IMMP2L: variants seen among roughly 807,000 people sequenced by gnomAD.
IMMP2L encodes mitochondrial inner membrane protease subunit 2.
A neutral mutation model predicts 19.3 loss-of-function variants in IMMP2L; 18 were observed. The ratio of observed to expected loss-of-function variants is 0.93; its 90% confidence interval spans 0.64 to 1.38. The LOEUF (loss-of-function observed/expected upper bound fraction) is 1.38. Ranked by LOEUF, IMMP2L falls within the 40% of genes most tolerant of loss-of-function variation. The probability of loss-of-function intolerance (pLI) is 0.00; values close to 1 mark genes in which losing one functional copy is unlikely to be tolerated. For synonymous variants in IMMP2L, 76 were observed against 73.0 expected (o/e 1.04, Z -0.21); for missense variants, 233 against 218.2 (o/e 1.07, Z -0.43).
intron 5 of IMMP2L, among the ~76,000 whole-genome samples, chr7:110,798,038 G>A (rs1800981337): frequency 2.0e-5 from 3 of 151,854 alleles, no homozygotes; most frequent in Admixed American, 2.0e-4. Flanking sequence ...TATAAGAAAA[G>A]GTACGAGATG....
chr7:111,379,569 G>A (rs571942487), intron 3 of IMMP2L, among the ~76,000 whole-genome samples: 1 of 151,722 alleles, frequency 6.6e-6, no homozygotes, highest in East Asian at 1.9e-4. Flanking sequence ...CTTATCAAGT[G>A]AATATAGTGG....
intron 3 of IMMP2L, among the ~76,000 whole-genome samples, chr7:111,195,579 C>G (rs1809381867): frequency 1.3e-5 from 2 of 151,984 alleles, no homozygotes; most frequent in Admixed American, 1.3e-4. Context: ...TTTTTAAAAG[C>G]AAATATGTAC....
At chr7:110,926,261 A>T (rs2129551109) in intron 4 of IMMP2L, among the ~76,000 whole-genome samples, 1 of 152,206 alleles carries the variant, frequency 6.6e-6, no homozygotes, top group East Asian at 1.9e-4. Flanking sequence ...AATAGGAAGG[A>T]TTCACATTTA....
chr7:111,325,681 C>G (rs1394260626), intron 3 of IMMP2L, among the ~76,000 whole-genome samples: 1 of 151,510 alleles, frequency 6.6e-6, no homozygotes, highest in Non-Finnish European at 1.5e-5. Flanking sequence ...AAGTGAAATT[C>G]CTGAATCAAA....
intron 3 of IMMP2L, among the ~76,000 whole-genome samples, chr7:111,221,558 TAAA>T (rs752020513): frequency 2.6e-5 from 4 of 151,588 alleles, no homozygotes; most frequent in Non-Finnish European, 5.9e-5. Context: ...CTAGCAACAA[TAAA>T]AACATACGGT....
At chr7:110,980,224 C>CTTATT (rs1821130110) in intron 3 of IMMP2L, among the ~76,000 whole-genome samples, 1 of 61,340 alleles carries the variant, frequency 1.6e-5, no homozygotes, top group African/African-American at 6.3e-5. Context: ...ATTTGTGCTG[C>CTTATT]TTCTTTTTTT....
At chr7:110,899,570 C>G (rs1178851473) in intron 4 of IMMP2L, among the ~76,000 whole-genome samples, 1 of 152,140 alleles carries the variant, frequency 6.6e-6, no homozygotes, top group East Asian at 1.9e-4. Context: ...GCCCAAATTG[C>G]TTCAGCCTAC....
chr7:110,749,110 G>T (rs1206064745), intron 5 of IMMP2L, among the ~76,000 whole-genome samples: 1 of 152,170 alleles, frequency 6.6e-6, no homozygotes. Context: ...CTTCTCAAAA[G>T]AAGACATTTA....
intron 5 of IMMP2L, among the ~76,000 whole-genome samples, chr7:110,673,135 T>C (rs1052517186): frequency 5.3e-5 from 8 of 152,246 alleles, no homozygotes; most frequent in African/African-American, 1.7e-4. Context: ...GAAGTCTAGA[T>C]GGAGGTTCCC....
intron 3 of IMMP2L, among the ~76,000 whole-genome samples, chr7:111,401,488 TA>T (rs1341251287): frequency 2.0e-5 from 3 of 152,156 alleles, no homozygotes; most frequent in African/African-American, 7.2e-5. Context: ...TAAGTAGGAT[TA>T]AAACTGCAGT....
intron 5 of IMMP2L, among the ~76,000 whole-genome samples, chr7:110,793,410 A>C (rs915002888): frequency 2.9e-5 from 4 of 140,320 alleles, no homozygotes; most frequent in African/African-American, 4.9e-5. Context: ...ACAGAGCAAG[A>C]CTCTGTCTCA....
chr7:111,000,242 T>G (rs553975274), intron 3 of IMMP2L, among the ~76,000 whole-genome samples: 6 of 152,302 alleles, frequency 3.9e-5, no homozygotes, highest in Non-Finnish European at 5.9e-5. Context: ...AGCCCAGAAT[T>G]TCTCTCCTCT....
chr7:111,085,985 AG>A (rs1796290986), intron 3 of IMMP2L, among the ~76,000 whole-genome samples: 2 of 152,106 alleles, frequency 1.3e-5, no homozygotes, highest in South Asian at 4.1e-4. Context: ...GAGTGGGAGG[AG>A]GGGGAGGATC....
intron 3 of IMMP2L, among the ~76,000 whole-genome samples, chr7:111,404,457 C>A (rs1017585244): frequency 3.3e-5 from 5 of 152,106 alleles, no homozygotes; most frequent in Non-Finnish European, 7.4e-5. Context: ...CTTCTTCCCA[C>A]AAATCACAAG....
intron 3 of IMMP2L, among the ~76,000 whole-genome samples, chr7:111,310,693 C>G (rs1478991358): frequency 6.6e-6 from 1 of 152,052 alleles, no homozygotes; most frequent in Admixed American, 6.6e-5. Flanking sequence ...GATTTTACAT[C>G]GCCCTGACAG....
intron 3 of IMMP2L, among the ~76,000 whole-genome samples, chr7:111,385,899 A>T (rs910905794): frequency 3.3e-5 from 5 of 151,898 alleles, no homozygotes; most frequent in African/African-American, 1.2e-4. Flanking sequence ...GAATAAACTC[A>T]ACCTACCAAT....
At chr7:111,036,306 G>C (rs1171985078) in intron 3 of IMMP2L, among the ~76,000 whole-genome samples, 3 of 152,102 alleles carry the variant, frequency 2.0e-5, no homozygotes, top group Non-Finnish European at 4.4e-5. Context: ...TCTGGTCCCA[G>C]CTCTATCTAG....
chr7:111,192,975 G>C (rs1396364682), intron 3 of IMMP2L, among the ~76,000 whole-genome samples: 1 of 152,108 alleles, frequency 6.6e-6, no homozygotes, highest in Non-Finnish European at 1.5e-5. Flanking sequence ...CAATTGGGAA[G>C]TCCTTGGCAA....
intron 3 of IMMP2L, among the ~76,000 whole-genome samples, chr7:110,980,013 T>C (rs1029341424): frequency 7.2e-5 from 11 of 152,250 alleles, no homozygotes; most frequent in Admixed American, 5.9e-4. Flanking sequence ...TCAAGTGCTA[T>C]CATATTTTTA....
Sources: gnomAD v4.1 joint callset for allele counts (sites outside exome capture counted in the v4.1 genomes callset) on GRCh38, gnomAD v4.1.1 for gene constraint, MANE v1.5 for transcripts, NCBI Gene and HGNC (gene_info 2026-07-23, HGNC 2026-07-21) for gene names.